Variants in NETO1 observed in about 807,000 individuals in gnomAD.
The protein encoded by NETO1 is neuropilin and tolloid-like protein 1.
A neutral mutation model predicts 61.3 loss-of-function variants in NETO1; 26 were observed. The ratio of observed to expected loss-of-function variants is 0.42; its 90% CI spans 0.31 to 0.59. The LOEUF (loss-of-function observed/expected upper bound fraction) is 0.59, where lower values mean the gene tolerates loss of function less well. Ranked by LOEUF, NETO1 falls within the 20% of genes least tolerant of loss-of-function variation. The probability of loss-of-function intolerance (pLI) is 0.12; values close to 1 mark genes in which losing one functional copy is unlikely to be tolerated. For missense variants in NETO1, 531 were observed against 662.8 expected (o/e 0.80, Z 2.18); for synonymous variants, 225 against 225.8 (o/e 1.00, Z 0.03).
chr18:72,844,945 C>A (rs1333776007), intron 4 of NETO1, among the ~76,000 whole-genome samples: 1 of 152,212 alleles, frequency 6.6e-6, no homozygotes, highest in Admixed American at 6.5e-5. Context: ...AAGCGCAGGT[C>A]TTAACGTGAC....
At chr18:72,822,545 A>G (rs8084533) in intron 4 of NETO1, among the ~76,000 whole-genome samples, 29,128 of 152,146 alleles carry the variant, frequency 0.19, 4,255 homozygotes, top group African/African-American at 0.41. Flanking sequence ...GAGTTTGAAA[A>G]ACGAGAGAAT....
chr18:72,757,641 G>A lies in NETO1; in HGVS notation c.869-1494C>T, dbSNP rs117871147. 8.2e-4 allele frequency among the ~76,000 whole-genome samples: 124 copies of A among 151,996 alleles called. 1 individual carries two copies. In the East Asian group the frequency reaches 0.02, roughly 24 times the overall value. On this transcript the variant is annotated intron_variant, in intron 7 of 10. Coordinates refer to ENST00000327305, the MANE Select transcript of NETO1 (RefSeq NM_138966.5). ...GTCATTTTGAAAAAAAAAGTATCAC[G>A]CTTAACACTTTATTTTGCTAATGAT...
intron 4 of NETO1, among the ~76,000 whole-genome samples, chr18:72,799,687 C>A (rs1054060050): frequency 6.6e-6 from 1 of 152,250 alleles, no homozygotes; most frequent in Non-Finnish European, 1.5e-5. Flanking sequence ...CCTTAACTCA[C>A]ATCTGCTTGC....
chr18:72,823,011 C>T (rs1310151920), intron 4 of NETO1, among the ~76,000 whole-genome samples: 1 of 152,152 alleles, frequency 6.6e-6, no homozygotes, highest in Non-Finnish European at 1.5e-5. Context: ...TATTTTCCTT[C>T]AAGCATCTCT....
At chr18:72,861,104 G>C (rs2145661271) in intron 3 of NETO1, among the ~76,000 whole-genome samples, 1 of 152,202 alleles carries the variant, frequency 6.6e-6, no homozygotes, top group South Asian at 2.1e-4. Flanking sequence ...AGAAATAATG[G>C]CCATCTAACA....
intron 8 of NETO1, among the ~76,000 whole-genome samples, chr18:72,754,794 C>G (rs537554746): frequency 1.3e-5 from 2 of 152,162 alleles, no homozygotes; most frequent in Admixed American, 6.6e-5. Context: ...AAACAGAAGA[C>G]TTGAACAATG....
At chr18:72,853,489 T>C (rs938457727) in intron 4 of NETO1, 1 of 152,224 alleles carries the variant, frequency 6.6e-6, no homozygotes, top group Admixed American at 6.5e-5. Flanking sequence ...CTGGATGTGG[T>C]GGCTCACGCC....
chr18:72,820,583 G>A (rs1033318283), intron 4 of NETO1, among the ~76,000 whole-genome samples: 6 of 152,168 alleles, frequency 3.9e-5, no homozygotes, highest in Non-Finnish European at 7.3e-5. Context: ...CCACTTGGCC[G>A]GGGGGTGATC....
downstream of NETO1, among the ~76,000 whole-genome samples, chr18:72,742,940 G>T (rs2070365210): frequency 6.6e-6 from 1 of 152,074 alleles, no homozygotes; most frequent in Admixed American, 6.6e-5. Context: ...AAGTAAAAAA[G>T]CCAGACAAAT....
At chr18:72,819,488 G>A (rs2073127527) in intron 4 of NETO1, among the ~76,000 whole-genome samples, 1 of 152,152 alleles carries the variant, frequency 6.6e-6, no homozygotes, top group Non-Finnish European at 1.5e-5. Context: ...ATTTCAAAAT[G>A]AGATAGCTTC....
intron 7 of NETO1, among the ~76,000 whole-genome samples, chr18:72,766,197 C>T (rs1291294247): frequency 7.0e-6 from 1 of 143,488 alleles, no homozygotes; most frequent in Non-Finnish European, 1.5e-5. Context: ...CAGAGTGAGA[C>T]TCAGTCTCAG....
intron 6 of NETO1, among the ~76,000 whole-genome samples, chr18:72,792,535 T>G (rs1461394578): frequency 6.6e-6 from 1 of 151,876 alleles, no homozygotes; most frequent in Non-Finnish European, 1.5e-5. Flanking sequence ...TTCCCTCATG[T>G]TGGACCACCA....
chr18:72,834,050 G>A (rs1032002147), intron 4 of NETO1: 6 of 877,296 alleles, frequency 6.8e-6, no homozygotes, highest in East Asian at 2.4e-4. Context: ...TTAGATACTC[G>A]TTTTATTATT....
In NETO1 at chr18:72,864,461, T is replaced by TA. The variant is rs371486658; in HGVS notation, c.220+346dup. Among the ~76,000 whole-genome samples the TA allele has an allele frequency of 5.6e-3, 856 of 152,284 alleles. 10 individuals carry two copies. Among genetic ancestry groups the TA allele is most frequent in the African/African-American group, 0.02 (824 of 41,564 alleles). On this transcript the variant is annotated intron_variant, in intron 3 of 10. Transcript: ENST00000327305. Reference sequence around the variant, plus strand: ...CAAGTTATTCTACTAATTGTTGAGCTAAAAAAATGCTAGTTTCTCACACTT... The same window carrying TA: ...CAAGTTATTCTACTAATTGTTGAGCTAAAAAAAATGCTAGTTTCTCACACTT...
At chr18:72,849,921 T>G (rs1336034808) in intron 4 of NETO1, among the ~76,000 whole-genome samples, 1 of 152,240 alleles carries the variant, frequency 6.6e-6, no homozygotes, top group African/African-American at 2.4e-5. Flanking sequence ...AGCTGGAGTG[T>G]TTCTTACATC....
intron 7 of NETO1, among the ~76,000 whole-genome samples, chr18:72,770,219 T>C (rs1255749204): frequency 1.3e-5 from 2 of 152,036 alleles, no homozygotes; most frequent in Non-Finnish European, 2.9e-5. Flanking sequence ...TTTGGCCCCA[T>C]TTTCTATTAG....
intron 4 of NETO1, among the ~76,000 whole-genome samples, chr18:72,809,654 C>T (rs1020440079): frequency 6.6e-6 from 1 of 152,182 alleles, no homozygotes; most frequent in East Asian, 1.9e-4. Flanking sequence ...GATTACTGCT[C>T]TATAAAATTT....
In NETO1 at chr18:72,867,294, C is replaced by CTGTGCG; in HGVS notation, c.-9_-4dup. 1 of 1,569,790 alleles carries CTGTGCG rather than the reference C, an allele frequency of 6.4e-7. No individual in the cohort carries two copies. Among genetic ancestry groups the CTGTGCG allele is most frequent in the East Asian group, 2.4e-5 (1 of 40,878 alleles). On this transcript the variant is annotated 5_prime_UTR_variant, in exon 1 of 11. Coordinates refer to ENST00000327305, the MANE Select transcript of NETO1 (RefSeq NM_138966.5). ...AGCACGCTGCGCCCATGGATCATGT[C>CTGTGCG]TGTGCGTTACACCAGAGGCTCCGGG...
At chr18:72,825,890 AT>A (rs995422625) in intron 4 of NETO1, among the ~76,000 whole-genome samples, 3 of 152,130 alleles carry the variant, frequency 2.0e-5, no homozygotes, top group Non-Finnish European at 4.4e-5. Context: ...AAAACACTAG[AT>A]TTTTTTAGTA....
Sources: allele counts gnomAD v4.1 joint callset (sites outside exome capture counted in the v4.1 genomes callset), GRCh38; gene constraint gnomAD v4.1.1; transcripts MANE v1.5; gene names NCBI Gene and HGNC (gene_info 2026-07-23, HGNC 2026-07-21).